The following LAPTM4A variants were observed in gnomAD, a reference collection of about 807,000 sequenced individuals.
LAPTM4A encodes lysosomal-associated transmembrane protein 4A.
In LAPTM4A, 19 loss-of-function variants were observed where a neutral mutation model predicts 29.9. That is an observed-to-expected ratio of 0.64 (90% confidence interval 0.44 to 0.93). LAPTM4A has a LOEUF of 0.93. Among genes scored for constraint, LAPTM4A ranks in the 40% least tolerant of loss-of-function variants. The probability of loss-of-function intolerance (pLI) is 0.00; values close to 1 mark genes in which losing one functional copy is unlikely to be tolerated. For missense variants in LAPTM4A, 293 were observed against 288.5 expected (o/e 1.02, Z -0.11); for synonymous variants, 105 against 102.1 (o/e 1.03, Z -0.17).
chr2:20,040,738 G>A (rs760556465), intron 2 of LAPTM4A, among the ~76,000 whole-genome samples, 153 bp downstream of exon 2: 3 of 152,292 alleles, frequency 2.0e-5, no homozygotes, highest in East Asian at 1.9e-4. Flanking sequence ...AGTAGGCTAC[G>A]CTATCTAGGT....
At position 20,051,441 on chromosome 2, in the gene LAPTM4A, G is replaced by A. The variant is rs1674070015; in HGVS notation, c.80C>T (p.Thr27Ile). The change falls in exon 1 of 7, where the codon ACC becomes ATC. Residue 27 changes from threonine (T) to isoleucine (I), a missense_variant. Coordinates refer to ENST00000175091, the MANE Select transcript of LAPTM4A (RefSeq NM_014713.5). The stretch of plus-strand genomic sequence containing the variant: ...CCAGGTCCCCAGGATGATCGTCCCG[G>A]TGCGGACATGGCAACAGCCGCAGCA... ...TRCCGCCHVR[T>I]GTIILGTWYM... 6.2e-7 allele frequency: 1 copy of A among 1,613,266 alleles called. No homozygotes were observed. Among genetic ancestry groups the A allele is most frequent in the African/African-American group, 1.3e-5 (1 of 74,896 alleles).
rs957734713 is a variant in LAPTM4A, at chr2:20,047,264, T to C, written c.111+4146A>G. On this transcript the variant is annotated intron_variant, in intron 1 of 6. Transcript: ENST00000175091. ...TTAGCCCGACATGGTGGCGGGTGCC[T>C]GTAGTCCCAGCTATTTGGGAGGCTG... Among the ~76,000 whole-genome samples the C allele has an allele frequency of 8.7e-5, 13 of 150,282 alleles. No homozygotes were observed. The East Asian group carries it at 2.6e-3, about 30-fold the overall frequency.
chr2:20,048,277 G>T (rs755114371), intron 1 of LAPTM4A, among the ~76,000 whole-genome samples: 2 of 152,068 alleles, frequency 1.3e-5, no homozygotes, highest in Admixed American at 6.5e-5. Flanking sequence ...AAATCAACTG[G>T]CTTCAAATTC....
intron 6 of LAPTM4A, 63 bp downstream of exon 6, chr2:20,034,254 G>GTCT: frequency 9.0e-7 from 1 of 1,111,482 alleles, no homozygotes; most frequent in South Asian, 1.2e-5. Flanking sequence ...CAAGCTCCAG[G>GTCT]TTCTTCTCCT....
At chr2:20,035,797 T>A (rs977515170) in intron 4 of LAPTM4A, among the ~76,000 whole-genome samples, 8 of 152,174 alleles carry the variant, frequency 5.3e-5, no homozygotes, top group Non-Finnish European at 1.2e-4. Flanking sequence ...CTAAAAGGAA[T>A]AATAAATTTT....
chr2:20,047,024 A>T (rs988110147), intron 1 of LAPTM4A, among the ~76,000 whole-genome samples: 1 of 151,956 alleles, frequency 6.6e-6, no homozygotes, highest in Admixed American at 6.6e-5. Context: ...CTATTTAATA[A>T]GTACATACAA....
intron 3 of LAPTM4A, 25 bp from the exon 4 acceptor site, chr2:20,037,463 C>A: frequency 6.2e-7 from 1 of 1,605,662 alleles, no homozygotes; most frequent in Non-Finnish European, 8.5e-7. Context: ...ACAACCATAA[C>A]ATTGTATCAC....
intron 2 of LAPTM4A, among the ~76,000 whole-genome samples, chr2:20,040,592 T>G (rs975263792): frequency 6.6e-6 from 1 of 152,204 alleles, no homozygotes; most frequent in Non-Finnish European, 1.5e-5. Flanking sequence ...ATAGTGTATT[T>G]ACAGTATTAC....
rs112003505 is a variant in LAPTM4A at position 20,035,618 on chromosome 2, C to T, written c.433-556G>A. The stretch of plus-strand genomic sequence containing the variant: ...TCTACTGAAAAGCATCAGCTATATT[C>T]ATTTAAATACTTAATCAGCCCTGAC... On this transcript the variant is annotated intron_variant, in intron 4 of 6. Transcript: ENST00000175091. Among the ~76,000 whole-genome samples the T allele has an allele frequency of 4.1e-4, 63 of 152,334 alleles. 1 individual carries two copies. The highest frequency in any genetic ancestry group is 1.5e-3 in the African/African-American group (62 of 41,572).
rs370220545 is a variant in LAPTM4A at position 20,045,026 on chromosome 2, G to A, written c.112-4015C>T. On this transcript the variant is annotated intron_variant, in intron 1 of 6. Coordinates refer to ENST00000175091, the MANE Select transcript of LAPTM4A (RefSeq NM_014713.5). ...CCTAAAGTGCTAGGATGACAGGCAC[G>A]AGCCACCGCTCCTGGCATCCTTTGA... 9.9e-5 allele frequency among the ~76,000 whole-genome samples: 15 copies of A among 152,284 alleles called. No homozygotes were observed. In the East Asian group the frequency reaches 1.2e-3, roughly 12 times the overall value.
chr2:20,035,370 T>C, intron 4 of LAPTM4A: 1 of 310,154 alleles, frequency 3.2e-6, no homozygotes, highest in South Asian at 3.3e-5. Flanking sequence ...ATCGCCTATA[T>C]GGCACTGGAG....
intron 1 of LAPTM4A, among the ~76,000 whole-genome samples, chr2:20,048,185 A>G (rs1446370353): frequency 6.6e-6 from 1 of 152,240 alleles, no homozygotes; most frequent in Non-Finnish European, 1.5e-5. Context: ...ATCACAAAGT[A>G]TATCTACTAC....
Position 20,033,282 on chromosome 2 carries a change from A to G in LAPTM4A, c.628-3T>C, listed in dbSNP as rs878986489. The G allele has an allele frequency of 6.2e-7, 1 of 1,609,930 alleles. No homozygotes were observed. Among genetic ancestry groups the G allele is most frequent in the African/African-American group, 1.3e-5 (1 of 74,968 alleles). ...ATTTCATAGGTTGGCAAAACGTACT[A>G]AAGAGAGAAAAAAAATTGTATCAGA... On this transcript the variant is annotated splice_polypyrimidine_tract_variant and splice_region_variant and intron_variant, in intron 6 of 6. Transcript: ENST00000175091.
At chr2:20,045,892 C>A (rs1237897073) in intron 1 of LAPTM4A, among the ~76,000 whole-genome samples, 2 of 152,156 alleles carry the variant, frequency 1.3e-5, no homozygotes, top group Admixed American at 6.5e-5. Flanking sequence ...TTTAAGGAGG[C>A]ATCCAGATAA....
intron 1 of LAPTM4A, among the ~76,000 whole-genome samples, chr2:20,048,681 A>G (rs143184377): frequency 3.5e-4 from 53 of 152,324 alleles, no homozygotes; most frequent in African/African-American, 1.2e-3. Flanking sequence ...AGAAACATAA[A>G]TATTCTCCCA....
chr2:20,047,696 C>G (rs866609155), intron 1 of LAPTM4A, among the ~76,000 whole-genome samples: 4 of 76,724 alleles, frequency 5.2e-5, no homozygotes, highest in Admixed American at 1.4e-4. Context: ...GACTCCGTCT[C>G]AAAAAAAAAA....
At chr2:20,048,942 T>TA (rs1028533439) in intron 1 of LAPTM4A, among the ~76,000 whole-genome samples, 7 of 152,264 alleles carry the variant, frequency 4.6e-5, no homozygotes, top group African/African-American at 1.7e-4. Context: ...AGACTGTCTT[T>TA]ACACTGCTAT....
chr2:20,051,218 C>G (rs1329562076), intron 1 of LAPTM4A, among the ~76,000 whole-genome samples, 192 bp downstream of exon 1: 1 of 152,272 alleles, frequency 6.6e-6, no homozygotes, highest in East Asian at 1.9e-4. Context: ...CCCCCGCTCC[C>G]CCGACTCCGA....
chr2:20,033,741 C>A (rs1211427499), intron 6 of LAPTM4A, among the ~76,000 whole-genome samples: 2 of 152,208 alleles, frequency 1.3e-5, no homozygotes, highest in Non-Finnish European at 2.9e-5. Flanking sequence ...TCGAGGGTAA[C>A]AGGCACACCT....
Sources: gnomAD v4.1 joint callset for allele counts (sites outside exome capture counted in the v4.1 genomes callset) on GRCh38, gnomAD v4.1.1 for gene constraint, MANE v1.5 for transcripts, NCBI Gene and HGNC (gene_info 2026-07-23, HGNC 2026-07-21) for gene names.